MAPK9: variants seen among roughly 807,000 people sequenced by gnomAD.
MAPK9 encodes mitogen-activated protein kinase 9, also known as Jun kinase.
A neutral mutation model predicts 57.1 loss-of-function variants in MAPK9; 30 were observed. That is an observed-to-expected ratio of 0.53 (90% confidence interval 0.39 to 0.71). MAPK9 has a LOEUF of 0.71. MAPK9 is among the 30% of genes least tolerant of loss of function. The pLI, the probability that MAPK9 is intolerant of heterozygous loss-of-function variation, is 0.00. For synonymous variants in MAPK9, 155 were observed against 177.0 expected (o/e 0.88, Z 0.99); for missense variants, 362 against 521.0 (o/e 0.69, Z 2.97).
intron 5 of MAPK9, among the ~76,000 whole-genome samples, chr5:180,250,099 C>A (rs1758521081): frequency 1.3e-5 from 2 of 152,166 alleles, no homozygotes; most frequent in African/African-American, 2.4e-5. Context: ...CAAAAACTCA[C>A]CTGCTCATGT....
intron 8 of MAPK9, 149 bp from the exon 9 acceptor site, chr5:180,241,304 ATTTTT>A (rs568488906): frequency 1.1e-5 from 6 of 524,246 alleles, no homozygotes; most frequent in East Asian, 4.9e-5. Context: ...ATAACCCAAA[ATTTTT>A]TTTTTTTTTT....
chr5:180,249,746 T>C (rs1168039699), intron 5 of MAPK9, among the ~76,000 whole-genome samples: 2 of 152,242 alleles, frequency 1.3e-5, no homozygotes, highest in South Asian at 2.1e-4. Flanking sequence ...TCATACAGTA[T>C]ATTTTTTTAA....
At chr5:180,281,947 T>A (rs1265590056) in intron 1 of MAPK9, among the ~76,000 whole-genome samples, 4 of 152,178 alleles carry the variant, frequency 2.6e-5, no homozygotes, top group Non-Finnish European at 5.9e-5. Context: ...CGCAGGAGTC[T>A]CAGTCCCGTG....
chr5:180,242,314 T>C (rs978586025), intron 8 of MAPK9, among the ~76,000 whole-genome samples: 2 of 152,232 alleles, frequency 1.3e-5, no homozygotes, highest in Non-Finnish European at 2.9e-5. Context: ...TGAATTCCAG[T>C]TGCTGTAACT....
In MAPK9 at chr5:180,268,610, G is replaced by A. The variant is rs575515682; in HGVS notation, c.252+670C>T. ...TGGGAGGCTGAGGCTGGCGGACCAT[G>A]AGGTCAGGAGATCGAGACCATCCCG... is the stretch of plus-strand genomic sequence containing the variant. On this transcript the variant is annotated intron_variant, in intron 3 of 11. Coordinates refer to ENST00000452135, the MANE Select transcript of MAPK9 (RefSeq NM_002752.5). 3.5e-4 allele frequency among the ~76,000 whole-genome samples: 53 copies of A among 152,156 alleles called. No homozygotes were observed. The South Asian group carries it at 0.011, about 32-fold the overall frequency.
intron 9 of MAPK9, among the ~76,000 whole-genome samples, chr5:180,240,821 G>A (rs927324582): frequency 1.3e-5 from 2 of 152,216 alleles, no homozygotes; most frequent in Admixed American, 6.5e-5. Context: ...CACCAAAGCG[G>A]AAGTTCATTC....
chr5:180,260,235 T>C (rs1360776350), intron 5 of MAPK9, among the ~76,000 whole-genome samples: 1 of 152,216 alleles, frequency 6.6e-6, no homozygotes, highest in East Asian at 1.9e-4. Context: ...GGGGATGCCT[T>C]TGTTTCTCTC....
chr5:180,287,730 A>G (rs1391971717), intron 1 of MAPK9, among the ~76,000 whole-genome samples: 3 of 152,084 alleles, frequency 2.0e-5, no homozygotes, highest in African/African-American at 4.8e-5. Context: ...CTTCTCTTAC[A>G]TGTTTCCTCC....
At chr5:180,239,346 C>T (rs1304247009) in intron 10 of MAPK9, among the ~76,000 whole-genome samples, 6 of 152,218 alleles carry the variant, frequency 3.9e-5, no homozygotes, top group South Asian at 2.1e-4. Context: ...CTGCTGAGCA[C>T]GGGCACACAC....
intron 3 of MAPK9, among the ~76,000 whole-genome samples, chr5:180,266,439 C>T (rs1760558475): frequency 1.3e-5 from 2 of 151,926 alleles, no homozygotes; most frequent in African/African-American, 4.8e-5. Context: ...CTCAGCCTCC[C>T]AATGAGCTGG....
At chr5:180,259,546 G>A (rs1050183559) in intron 5 of MAPK9, among the ~76,000 whole-genome samples, 2 of 151,504 alleles carry the variant, frequency 1.3e-5, no homozygotes, top group Non-Finnish European at 2.9e-5. Flanking sequence ...CCCTTTGACT[G>A]TAAGGGATGT....
chr5:180,272,523 G>C (rs1263999041), intron 2 of MAPK9, among the ~76,000 whole-genome samples: 1 of 152,144 alleles, frequency 6.6e-6, no homozygotes, highest in Non-Finnish European at 1.5e-5. Context: ...CTGTCCACCA[G>C]TGATAACTGC....
intron 5 of MAPK9, chr5:180,253,675 G>C (rs1246146706): frequency 2.0e-5 from 3 of 152,340 alleles, no homozygotes; most frequent in African/African-American, 7.2e-5. Flanking sequence ...CGCATGCACA[G>C]TCCTGTGGGT....
At chr5:180,287,006 G>A (rs1445138425) in intron 1 of MAPK9, 1 of 152,214 alleles carries the variant, frequency 6.6e-6, no homozygotes, top group Non-Finnish European at 1.5e-5. Flanking sequence ...GGGCAGGATA[G>A]TCAACGAAAA....
intron 10 of MAPK9, among the ~76,000 whole-genome samples, chr5:180,238,806 G>A (rs1301064630): frequency 6.6e-6 from 1 of 151,982 alleles, no homozygotes; most frequent in Admixed American, 6.5e-5. Flanking sequence ...ACAGGGTTTC[G>A]CTATGTTGGC....
At chr5:180,268,231 A>G (rs1760878107) in intron 3 of MAPK9, among the ~76,000 whole-genome samples, 1 of 152,202 alleles carries the variant, frequency 6.6e-6, no homozygotes, top group South Asian at 2.1e-4. Context: ...TTCTAGAAAC[A>G]TTATTTCTCC....
intron 3 of MAPK9, among the ~76,000 whole-genome samples, chr5:180,267,811 CA>C (rs10714517): frequency 0.36 from 54,862 of 151,388 alleles, 12,310 homozygotes; most frequent in African/African-American, 0.64. Flanking sequence ...GACCCTGTCT[CA>C]AAAAAACAAA....
At chr5:180,274,774 C>T (rs1009648969) in intron 2 of MAPK9, among the ~76,000 whole-genome samples, 3 of 152,192 alleles carry the variant, frequency 2.0e-5, no homozygotes, top group Non-Finnish European at 4.4e-5. Flanking sequence ...TTGTTTTAAA[C>T]AACTAAGTTT....
chr5:180,291,657 G>A (rs909917489), intron 1 of MAPK9, among the ~76,000 whole-genome samples, 191 bp downstream of exon 1: 6 of 151,736 alleles, frequency 4.0e-5, no homozygotes, highest in African/African-American at 1.4e-4. Flanking sequence ...CCGCAGCCCG[G>A]GGCTGCTGAC....
Sources: allele counts gnomAD v4.1 joint callset (sites outside exome capture counted in the v4.1 genomes callset), GRCh38; gene constraint gnomAD v4.1.1; transcripts MANE v1.5; gene names NCBI Gene and HGNC (gene_info 2026-07-23, HGNC 2026-07-21).